The following NTNG1 variants were observed in gnomAD, a reference collection of about 807,000 sequenced individuals.
NTNG1 encodes the protein netrin-G1.
In NTNG1, 16 loss-of-function variants were observed where a neutral mutation model predicts 54.0. That is an observed-to-expected ratio of 0.30 (90% CI 0.20 to 0.45). The LOEUF is 0.45. Ranked by LOEUF, NTNG1 falls within the 20% of genes least tolerant of loss-of-function variation. The pLI is 1.00. For synonymous variants in NTNG1, 255 were observed against 263.1 expected, an observed-to-expected ratio of 0.97 and a Z score of 0.30; for missense variants, 530 against 678.7, an observed-to-expected ratio of 0.78 and a Z score of 2.43.
intron 2 of NTNG1, among the ~76,000 whole-genome samples, chr1:107,175,534 T>C (rs1656580764): frequency 6.6e-6 from 1 of 152,146 alleles, no homozygotes; most frequent in Admixed American, 6.5e-5. Context: ...AGCCCTCCTT[T>C]CAAAGCACTG....
intron 2 of NTNG1, among the ~76,000 whole-genome samples, chr1:107,150,176 C>A (rs1654451413): frequency 1.3e-5 from 2 of 151,992 alleles, no homozygotes; most frequent in African/African-American, 4.8e-5. Context: ...ACTAAAGTGC[C>A]CTGAAAGACT....
At chr1:107,292,708 A>G (rs1665693325) in intron 2 of NTNG1, among the ~76,000 whole-genome samples, 1 of 152,074 alleles carries the variant, frequency 6.6e-6, no homozygotes, top group South Asian at 2.1e-4. Flanking sequence ...CTCTGTAAAC[A>G]CACTGCACAT....
At chr1:107,398,263 A>T (rs1018933692) in intron 4 of NTNG1, among the ~76,000 whole-genome samples, 1 of 152,162 alleles carries the variant, frequency 6.6e-6, no homozygotes, top group Non-Finnish European at 1.5e-5. Flanking sequence ...CAATGTGCAC[A>T]TGTACCCTAA....
chr1:107,227,164 T>C (rs1660743039), intron 2 of NTNG1, among the ~76,000 whole-genome samples: 1 of 152,118 alleles, frequency 6.6e-6, no homozygotes, highest in Non-Finnish European at 1.5e-5. Flanking sequence ...TCTGTTTGCC[T>C]ACGTTTCCTC....
At chr1:107,209,127 C>T (rs2101362365) in intron 2 of NTNG1, among the ~76,000 whole-genome samples, 1 of 151,894 alleles carries the variant, frequency 6.6e-6, no homozygotes, top group East Asian at 2.0e-4. Context: ...TATTTCCTTA[C>T]CTCGTTTAAC....
At chr1:107,158,701 T>A (rs1213603943) in intron 2 of NTNG1, among the ~76,000 whole-genome samples, 1 of 152,156 alleles carries the variant, frequency 6.6e-6, no homozygotes, top group Non-Finnish European at 1.5e-5. Context: ...TCTGGAAACT[T>A]GTCTTGTGTT....
At chr1:107,415,665 A>C (rs949548723) in intron 5 of NTNG1, among the ~76,000 whole-genome samples, 3 of 149,420 alleles carry the variant, frequency 2.0e-5, no homozygotes, top group Admixed American at 6.6e-5. Context: ...TTGATTTGTG[A>C]AAAAAAAATG....
intron 2 of NTNG1, among the ~76,000 whole-genome samples, chr1:107,196,692 T>A (rs927964341): frequency 1.3e-5 from 2 of 152,026 alleles, no homozygotes; most frequent in African/African-American, 4.8e-5. Context: ...AGTTTCTCTA[T>A]GGAAAAACTG....
At chr1:107,295,830 C>T (rs1488223699) in intron 2 of NTNG1, among the ~76,000 whole-genome samples, 1 of 152,070 alleles carries the variant, frequency 6.6e-6, no homozygotes, top group African/African-American at 2.4e-5. Flanking sequence ...AGTAGTATTA[C>T]ACTTAACAAA....
intron 7 of NTNG1, among the ~76,000 whole-genome samples, chr1:107,471,701 T>C (rs1333519966): frequency 6.6e-6 from 1 of 152,222 alleles, no homozygotes; most frequent in Non-Finnish European, 1.5e-5. Flanking sequence ...GAATTGCATG[T>C]TTTGACCCCA....
chr1:107,210,403 A>G (rs894912344), intron 2 of NTNG1, among the ~76,000 whole-genome samples: 1 of 152,124 alleles, frequency 6.6e-6, no homozygotes, highest in Non-Finnish European at 1.5e-5. Flanking sequence ...TGGTGGCTTT[A>G]AAGGAGAATA....
At chr1:107,445,865 ATTTCATGTAAT>A (rs1676277828) in intron 7 of NTNG1, among the ~76,000 whole-genome samples, 1 of 152,048 alleles carries the variant, frequency 6.6e-6, no homozygotes, top group Non-Finnish European at 1.5e-5. Context: ...TGAAATTTGA[ATTTCATGTAAT>A]TTTCATGTGC....
At position 107,267,501 on chromosome 1, in the gene NTNG1, C is replaced by T. The variant is rs559339293; in HGVS notation, c.247-56781C>T. 7.2e-5 allele frequency among the ~76,000 whole-genome samples: 11 copies of T among 152,274 alleles called. No homozygotes were observed. The South Asian group carries it at 2.1e-3, about 29-fold the overall frequency. ...CTGTAGCTTGTCCCGTACCCTCATGCTCATTCCTAAAATATTCAATTCACT... is the reference window on the plus strand; with the variant it reads ...CTGTAGCTTGTCCCGTACCCTCATGTTCATTCCTAAAATATTCAATTCACT... On this transcript the variant is annotated intron_variant, in intron 2 of 7. Coordinates refer to ENST00000370068, the MANE Select transcript of NTNG1 (RefSeq NM_001113226.3).
intron 3 of NTNG1, among the ~76,000 whole-genome samples, chr1:107,389,981 A>G (rs1672266720): frequency 2.0e-5 from 3 of 152,218 alleles, no homozygotes; most frequent in Admixed American, 2.0e-4. Flanking sequence ...CGGAGGTCAC[A>G]GCACCAGGAA....
intron 2 of NTNG1, among the ~76,000 whole-genome samples, chr1:107,166,881 T>C (rs566524417): frequency 6.6e-6 from 1 of 152,240 alleles, no homozygotes; most frequent in South Asian, 2.1e-4. Flanking sequence ...TGGGGAAATA[T>C]CAAAGTCACT....
chr1:107,215,908 A>G (rs1471662371), intron 2 of NTNG1, among the ~76,000 whole-genome samples: 1 of 151,508 alleles, frequency 6.6e-6, no homozygotes, highest in Non-Finnish European at 1.5e-5. Context: ...TCTTGCAGCT[A>G]TTGTAAAAGG....
chr1:107,250,903 C>T (rs1040021374), intron 2 of NTNG1, among the ~76,000 whole-genome samples: 2 of 152,208 alleles, frequency 1.3e-5, no homozygotes, highest in African/African-American at 4.8e-5. Flanking sequence ...GAGGATTTAC[C>T]ACCACTGGCA....
At chr1:107,472,902 C>T (rs958873944) in intron 7 of NTNG1, among the ~76,000 whole-genome samples, 4 of 152,148 alleles carry the variant, frequency 2.6e-5, no homozygotes, top group African/African-American at 9.7e-5. Context: ...CTTAGCAAAA[C>T]AGCTGCAAAA....
At chr1:107,474,583 CCA>C (rs1383159150) in intron 7 of NTNG1, among the ~76,000 whole-genome samples, 1 of 152,154 alleles carries the variant, frequency 6.6e-6, no homozygotes, top group East Asian at 1.9e-4. Flanking sequence ...TAACAGAATA[CCA>C]CACACTGGGT....
Sources: allele counts gnomAD v4.1 joint callset (sites outside exome capture counted in the v4.1 genomes callset), GRCh38; gene constraint gnomAD v4.1.1; transcripts MANE v1.5; gene names NCBI Gene and HGNC (gene_info 2026-07-23, HGNC 2026-07-21).